RIMS2: variants seen among roughly 807,000 people sequenced by gnomAD.
RIMS2 encodes regulating synaptic membrane exocytosis 2, also known as regulating synaptic membrane exocytosis protein 2.
RIMS2 carries 59 observed loss-of-function variants against 174.4 expected under a neutral mutation model. The ratio of observed to expected loss-of-function variants is 0.34; its 90% CI spans 0.27 to 0.42. The LOEUF is 0.42. Among genes scored for constraint, RIMS2 ranks in the 10% least tolerant of loss-of-function variants. The pLI is 1.00. For missense variants in RIMS2, 1,620 were observed against 1,666.3 expected, an observed-to-expected ratio of 0.97 and a Z score of 0.48; for synonymous variants, 606 against 572.5, an observed-to-expected ratio of 1.06 and a Z score of -0.84.
intron 2 of RIMS2, among the ~76,000 whole-genome samples, chr8:103,713,984 T>C (rs1171664223): frequency 6.6e-6 from 1 of 152,216 alleles, no homozygotes; most frequent in Non-Finnish European, 1.5e-5. Context: ...GAGCACTTAC[T>C]TATTTTTCTG....
At chr8:104,151,505 G>T (rs2098689106) in intron 19 of RIMS2, among the ~76,000 whole-genome samples, 1 of 152,056 alleles carries the variant, frequency 6.6e-6, no homozygotes, top group African/African-American at 2.4e-5. Context: ...GGAGACAGAG[G>T]TTACAGTGAG....
chr8:103,523,192 C>T (rs572015644), intron 1 of RIMS2, among the ~76,000 whole-genome samples: 9 of 151,732 alleles, frequency 5.9e-5, no homozygotes, highest in African/African-American at 2.2e-4. Context: ...AGATTATTTA[C>T]TCTTTACATA....
chr8:103,956,301 T>C (rs567173283), intron 14 of RIMS2, among the ~76,000 whole-genome samples: 2 of 152,126 alleles, frequency 1.3e-5, no homozygotes, highest in South Asian at 4.1e-4. Flanking sequence ...AAGACAACCA[T>C]AAGCAGAAAG....
At chr8:103,576,136 C>G (rs111375465) in intron 1 of RIMS2, among the ~76,000 whole-genome samples, 2 of 152,218 alleles carry the variant, frequency 1.3e-5, no homozygotes, top group South Asian at 4.1e-4. Context: ...GTCCCCTGGG[C>G]ATGAATCCCT....
chr8:104,111,105 C>A (rs1003871853), intron 19 of RIMS2, among the ~76,000 whole-genome samples: 1 of 151,980 alleles, frequency 6.6e-6, no homozygotes, highest in African/African-American at 2.4e-5. Context: ...TCTAAAAAAG[C>A]TGACAGATGG....
intron 14 of RIMS2, among the ~76,000 whole-genome samples, chr8:103,957,781 G>A (rs1013059780): frequency 1.1e-4 from 17 of 151,920 alleles, no homozygotes; most frequent in African/African-American, 2.4e-4. Context: ...ACATGCATGC[G>A]GCCAACAAGC....
intron 11 of RIMS2, among the ~76,000 whole-genome samples, chr8:103,928,494 T>C (rs1414610318): frequency 2.0e-5 from 3 of 151,494 alleles, no homozygotes; most frequent in Non-Finnish European, 4.4e-5. Context: ...TTTTATGTAA[T>C]ACTTGGGTAC....
chr8:103,535,501 T>A (rs1264002184), intron 1 of RIMS2, among the ~76,000 whole-genome samples: 2 of 152,196 alleles, frequency 1.3e-5, no homozygotes, highest in African/African-American at 4.8e-5. Flanking sequence ...TTGAGTCGAT[T>A]ACAGCTAGAA....
At chr8:103,563,945 A>G (rs1256174093) in intron 1 of RIMS2, among the ~76,000 whole-genome samples, 1 of 152,204 alleles carries the variant, frequency 6.6e-6, no homozygotes, top group Non-Finnish European at 1.5e-5. Flanking sequence ...TGAGAAAAGC[A>G]CGGCAAAGAC....
chr8:103,623,356 T>C (rs1000716009), intron 1 of RIMS2, among the ~76,000 whole-genome samples: 1 of 152,146 alleles, frequency 6.6e-6, no homozygotes, highest in Non-Finnish European at 1.5e-5. Flanking sequence ...TAAAATTTTT[T>C]ATATGTTTGA....
intron 1 of RIMS2, among the ~76,000 whole-genome samples, chr8:103,524,700 A>T (rs1010343075): frequency 1.3e-5 from 2 of 152,110 alleles, no homozygotes; most frequent in Non-Finnish European, 2.9e-5. Context: ...TGATCCAGAA[A>T]ACCTATAGTC....
intron 19 of RIMS2, among the ~76,000 whole-genome samples, chr8:104,127,222 T>C (rs2098439056): frequency 6.6e-6 from 1 of 152,186 alleles, no homozygotes; most frequent in Non-Finnish European, 1.5e-5. Context: ...TACCCTAAAT[T>C]ATCTTATTCT....
At chr8:104,036,359 G>T (rs2096516280) in intron 19 of RIMS2, among the ~76,000 whole-genome samples, 1 of 151,220 alleles carries the variant, frequency 6.6e-6, no homozygotes, top group South Asian at 2.1e-4. Context: ...CACCATGTTA[G>T]CCAGGATGGT....
chr8:103,969,921 G>T (rs540309298), intron 15 of RIMS2, among the ~76,000 whole-genome samples: 298 of 152,038 alleles, frequency 2.0e-3, no homozygotes, highest in Non-Finnish European at 2.0e-3. Context: ...GTTTATTTTT[G>T]TATTTTTTAG....
intron 19 of RIMS2, among the ~76,000 whole-genome samples, chr8:104,066,204 T>G (rs1376600795): frequency 6.6e-6 from 1 of 152,208 alleles, no homozygotes; most frequent in African/African-American, 2.4e-5. Flanking sequence ...CTGCAATATT[T>G]GTTATTGGGC....
chr8:103,813,303 G>C (rs2098699949), intron 3 of RIMS2, among the ~76,000 whole-genome samples: 1 of 152,042 alleles, frequency 6.6e-6, no homozygotes, highest in African/African-American at 2.4e-5. Flanking sequence ...TTTAATTTTT[G>C]AGTTTGTGTT....
intron 19 of RIMS2, among the ~76,000 whole-genome samples, chr8:104,142,451 A>G (rs2133647619): frequency 6.6e-6 from 1 of 152,310 alleles, no homozygotes; most frequent in African/African-American, 2.4e-5. Flanking sequence ...CTTTTAAATA[A>G]GAATGTCCAA....
At chr8:104,253,604 G>T (rs1261586557), downstream of RIMS2, 2 of 152,130 alleles carry the variant, frequency 1.3e-5, no homozygotes, top group African/African-American at 4.8e-5. Flanking sequence ...TTACCATTGG[G>T]TGGAGCTGCA....
chr8:103,998,061 G>A (rs896907811), intron 17 of RIMS2: 8 of 654,410 alleles, frequency 1.2e-5, no homozygotes, highest in African/African-American at 1.1e-4. Context: ...TCCAATAACA[G>A]TTTCCATGTG....
Sources: allele counts gnomAD v4.1 joint callset (sites outside exome capture counted in the v4.1 genomes callset), GRCh38; gene constraint gnomAD v4.1.1; transcripts MANE v1.5; gene names NCBI Gene and HGNC (gene_info 2026-07-23, HGNC 2026-07-21).